DISC1: variants seen among roughly 807,000 people sequenced by gnomAD.
The protein encoded by DISC1 is DISC1 scaffold protein.
Under a neutral mutation model 84.5 loss-of-function variants are expected in DISC1, and 57 were observed. The ratio of observed to expected loss-of-function variants is 0.67; its 90% CI spans 0.55 to 0.84. DISC1 has a LOEUF of 0.84. Ranked by LOEUF, DISC1 falls within the 40% of genes least tolerant of loss-of-function variation. DISC1 has a pLI of 0.00. For missense variants in DISC1, 1,000 were observed against 1,057.8 expected, an observed-to-expected ratio of 0.95 and a Z score of 0.76; for synonymous variants, 411 against 415.2, an observed-to-expected ratio of 0.99 and a Z score of 0.12.
chr1:231,676,926 G>T (rs1015667289), intron 1 of DISC1, among the ~76,000 whole-genome samples: 1 of 152,212 alleles, frequency 6.6e-6, no homozygotes, highest in African/African-American at 2.4e-5. Flanking sequence ...AGACTGAGAA[G>T]GTAAACAAAG....
At chr1:231,788,530 T>C (rs2078064547) in intron 6 of DISC1, among the ~76,000 whole-genome samples, 1 of 152,190 alleles carries the variant, frequency 6.6e-6, no homozygotes, top group African/African-American at 2.4e-5. Flanking sequence ...TATTTCCAAC[T>C]GCAGTCACAT....
intron 5 of DISC1, among the ~76,000 whole-genome samples, chr1:231,768,660 TA>T (rs1332435719): frequency 1.3e-5 from 2 of 152,238 alleles, no homozygotes; most frequent in East Asian, 3.9e-4. Context: ...AAGGGTTCAC[TA>T]AGTGCCAGAT....
intron 9 of DISC1, among the ~76,000 whole-genome samples, chr1:231,820,552 GAAAAA>G (rs1486533938): frequency 6.6e-6 from 1 of 152,148 alleles, no homozygotes; most frequent in African/African-American, 2.4e-5. Flanking sequence ...GCGTTCAGGG[GAAAAA>G]GGCAACTCAT....
rs371690077 is a variant in DISC1, at chr1:232,008,943, C to G, written c.2201C>G (p.Pro734Arg). The G allele has an allele frequency of 1.5e-5, 24 of 1,613,512 alleles. No individual in the cohort carries two copies. The African/African-American group carries it at 2.5e-4, about 17-fold the overall frequency. ...DLEGAAPPIP[P>R]RLHSEDKRKT... ...GAGGGAGCTGCTCCTCCTATTCCCC[C>G]CAGGCTCCACTCCGAGGATAAAAGG... Residue 734 changes from proline (P) to arginine (R), a missense_variant, in exon 11 of 13, where the codon CCC becomes CGC. By Grantham distance (103) the Pro-to-Arg change is moderately radical. This residue lies in a region of DISC1 where 397 missense variants were observed against 377.5 expected (regional missense o/e 1.05). Transcript: ENST00000439617.
intron 9 of DISC1, among the ~76,000 whole-genome samples, chr1:231,835,598 T>G (rs967209073): frequency 7.2e-5 from 11 of 152,220 alleles, no homozygotes; most frequent in Admixed American, 1.3e-4. Flanking sequence ...GGATGTGTAC[T>G]TGCAGGTCAC....
intron 3 of DISC1, among the ~76,000 whole-genome samples, chr1:231,728,733 CT>C (rs2071092236): frequency 6.6e-6 from 1 of 152,164 alleles, no homozygotes; most frequent in African/African-American, 2.4e-5. Context: ...AATTTTACTT[CT>C]AAAATCTGCA....
At chr1:231,888,855 ATGCTT>A (rs2086988492) in intron 9 of DISC1, among the ~76,000 whole-genome samples, 1 of 151,728 alleles carries the variant, frequency 6.6e-6, no homozygotes, top group South Asian at 2.1e-4. Context: ...GGCCCAGAGG[ATGCTT>A]CTTTCTTCTT....
In DISC1 at chr1:231,634,418, T is replaced by A. The variant is rs546409810; in HGVS notation, c.67+7484T>A. On this transcript the variant is annotated intron_variant, in intron 1 of 12. Coordinates refer to ENST00000439617, the MANE Select transcript of DISC1 (RefSeq NM_018662.3). Reference sequence around the variant, plus strand: ...AAACTTAGAGTTGCAAGAGCTGTTTTGGGATCACAAATCTTCTGAAGAAAA... The same window carrying A: ...AAACTTAGAGTTGCAAGAGCTGTTTAGGGATCACAAATCTTCTGAAGAAAA... Among the ~76,000 whole-genome samples, 4 of 152,322 alleles carry A rather than the reference T, an allele frequency of 2.6e-5. No homozygotes were observed. The South Asian group carries it at 6.2e-4, about 24-fold the overall frequency.
chr1:231,670,980 C>G (rs1346110363), intron 1 of DISC1, among the ~76,000 whole-genome samples: 1 of 152,144 alleles, frequency 6.6e-6, no homozygotes, highest in Non-Finnish European at 1.5e-5. Flanking sequence ...GCCCTGCTCC[C>G]CACCTCCATC....
intron 11 of DISC1, among the ~76,000 whole-genome samples, chr1:232,025,893 T>A (rs1044280335): frequency 3.3e-5 from 5 of 152,146 alleles, no homozygotes; most frequent in African/African-American, 1.2e-4. Context: ...CGGCTTAAGC[T>A]CCCATGTATG....
At chr1:231,742,510 C>T (rs528030839) in intron 3 of DISC1, among the ~76,000 whole-genome samples, 19 of 152,240 alleles carry the variant, frequency 1.2e-4, no homozygotes, top group African/African-American at 3.6e-4. Context: ...TGGTGGCTCA[C>T]GCCTGCAATC....
chr1:231,743,974 A>G (rs1009026289), intron 3 of DISC1, among the ~76,000 whole-genome samples: 3 of 152,124 alleles, frequency 2.0e-5, no homozygotes, highest in Non-Finnish European at 4.4e-5. Context: ...TTAGGTTGAG[A>G]GGCACGCTGT....
chr1:231,851,516 G>T (rs749752912), intron 9 of DISC1, among the ~76,000 whole-genome samples: 4 of 152,198 alleles, frequency 2.6e-5, no homozygotes, highest in Non-Finnish European at 5.9e-5. Context: ...ACCCCTGTCC[G>T]AAGGGGGTGG....
chr1:232,022,047 T>C (rs749712999), intron 11 of DISC1, among the ~76,000 whole-genome samples: 1 of 152,184 alleles, frequency 6.6e-6, no homozygotes, highest in Non-Finnish European at 1.5e-5. Flanking sequence ...GACCTGACTT[T>C]GCAAGTCAGG....
chr1:231,704,046 G>C (rs542164429), intron 3 of DISC1, among the ~76,000 whole-genome samples: 1 of 152,278 alleles, frequency 6.6e-6, no homozygotes, highest in South Asian at 2.1e-4. Context: ...GTAGGCACAG[G>C]ACACACGATT....
intron 9 of DISC1, among the ~76,000 whole-genome samples, chr1:231,935,943 C>A (rs920017951): frequency 6.6e-6 from 1 of 152,174 alleles, no homozygotes; most frequent in Non-Finnish European, 1.5e-5. Flanking sequence ...ACTGCGTCCT[C>A]CTCTCTAGCA....
At chr1:231,886,783 C>CTTTA (rs770963650) in intron 9 of DISC1, among the ~76,000 whole-genome samples, 1 of 129,976 alleles carries the variant, frequency 7.7e-6, no homozygotes, top group Admixed American at 7.6e-5. Context: ...TTCTTTCTTT[C>CTTTA]TTTCTTTCTT....
rs772042563 is a variant in DISC1, at chr1:231,767,146, C to T, written c.1275C>T (p.Ser425=). The stretch of plus-strand genomic sequence containing the variant: ...AGGTATGTGTTGTTTTAAGGGCCAG[C>T]GGAGATGACACCCACACCCCACTGA... ...ALRRGATQQA[S]GDDTHTPLRM... is the part of the protein sequence containing the mutation. Residue 425 remains serine (S), a synonymous_variant, in exon 5 of 13, where the codon AGC becomes AGT. Transcript: ENST00000439617. 1.2e-5 allele frequency: 20 copies of T among 1,613,992 alleles called. 1 individual carries two copies. The highest frequency in any genetic ancestry group is 8.9e-5 in the East Asian group (4 of 44,878).
chr1:231,774,583 G>C (rs1417663414), intron 6 of DISC1: 5 of 408,206 alleles, frequency 1.2e-5, no homozygotes, highest in Non-Finnish European at 2.5e-5. Flanking sequence ...CTGGAGGGCA[G>C]TGTGGGCTGT....
Sources: allele counts gnomAD v4.1 joint callset (sites outside exome capture counted in the v4.1 genomes callset), GRCh38; gene constraint gnomAD v4.1.1; regional missense constraint gnomAD v4.1.1; transcripts MANE v1.5; gene names NCBI Gene and HGNC (gene_info 2026-07-23, HGNC 2026-07-21).